Variants in DPP6 observed in about 807,000 individuals in gnomAD.
DPP6 encodes A-type potassium channel modulatory protein DPP6.
Under a neutral mutation model 122.6 loss-of-function variants are expected in DPP6, and 69 were observed. The observed-to-expected ratio is 0.56, with a 90% confidence interval of 0.46 to 0.69. The LOEUF (loss-of-function observed/expected upper bound fraction) is 0.69, where lower values mean the gene tolerates loss of function less well. DPP6 is among the 30% of genes least tolerant of loss of function. The probability of loss-of-function intolerance (pLI) is 0.00; values close to 1 mark genes in which losing one functional copy is unlikely to be tolerated. For missense variants in DPP6, 928 were observed against 1,116.9 expected (o/e 0.83, Z 2.41); for synonymous variants, 418 against 433.1 (o/e 0.97, Z 0.43).
intron 1 of DPP6, among the ~76,000 whole-genome samples, chr7:153,898,523 G>A (rs959159945): frequency 1.3e-5 from 2 of 152,150 alleles, no homozygotes; most frequent in Non-Finnish European, 2.9e-5. Context: ...ACTGTTTGAG[G>A]TGATGAATAT....
chr7:153,868,167 A>G, the DPP6 span, among the ~76,000 whole-genome samples: 1 of 152,080 alleles, frequency 6.6e-6, no homozygotes, highest in East Asian at 1.9e-4. Context: ...TGGCCTCATA[A>G]AATGAGTTAG....
At chr7:154,207,918 G>A (rs984279223) in intron 1 of DPP6, among the ~76,000 whole-genome samples, 9 of 150,648 alleles carry the variant, frequency 6.0e-5, no homozygotes, top group Non-Finnish European at 1.3e-4. Context: ...TCATGCCACT[G>A]CACTCCAGCC....
At chr7:153,974,906 T>C (rs1306961559) in intron 1 of DPP6, among the ~76,000 whole-genome samples, 1 of 152,236 alleles carries the variant, frequency 6.6e-6, no homozygotes, top group Admixed American at 6.5e-5. Context: ...GTTGTCACTC[T>C]GGAGTGTTTT....
intron 1 of DPP6, among the ~76,000 whole-genome samples, chr7:153,902,751 G>A (rs749641084): frequency 2.0e-5 from 3 of 151,958 alleles, no homozygotes; most frequent in East Asian, 1.9e-4. Flanking sequence ...CAGGAGTATC[G>A]CTTGAACCTG....
intron 1 of DPP6, among the ~76,000 whole-genome samples, chr7:154,347,312 C>A (rs1810481839): frequency 6.6e-6 from 1 of 152,192 alleles, no homozygotes; most frequent in Admixed American, 6.5e-5. Context: ...TATTCCCTAG[C>A]CTTGGATGAA....
the DPP6 span, among the ~76,000 whole-genome samples, chr7:153,814,874 T>C: frequency 4.6e-5 from 7 of 151,796 alleles, no homozygotes; most frequent in Non-Finnish European, 1.0e-4. Flanking sequence ...ATTATCTCAA[T>C]AGATGCAGAA....
At chr7:154,812,413 G>A (rs999508387) in intron 16 of DPP6, among the ~76,000 whole-genome samples, 14 of 152,170 alleles carry the variant, frequency 9.2e-5, no homozygotes, top group Non-Finnish European at 1.8e-4. Flanking sequence ...TATAGACTGT[G>A]TGGCTTATAA....
At chr7:154,646,358 G>T (rs373126156) in intron 6 of DPP6, among the ~76,000 whole-genome samples, 5 of 151,960 alleles carry the variant, frequency 3.3e-5, no homozygotes, top group Admixed American at 2.0e-4. Context: ...TCCCAAACCC[G>T]GAATGTGTTT....
At chr7:154,121,248 T>TG (rs374694582) in intron 1 of DPP6, among the ~76,000 whole-genome samples, 4 of 152,338 alleles carry the variant, frequency 2.6e-5, no homozygotes, top group Non-Finnish European at 4.4e-5. Flanking sequence ...CTCCACTGTT[T>TG]TTCTATTCTC....
At position 153,901,594 on chromosome 7, in the gene DPP6, G is replaced by A. The variant is rs893604367; in HGVS notation, c.51+13860G>A. 3.9e-5 allele frequency among the ~76,000 whole-genome samples: 6 copies of A among 152,184 alleles called. No homozygotes were observed. The East Asian group carries it at 7.7e-4, about 20-fold the overall frequency. ...AATGAAGAAACTTTCTCTTGCTGACGGTGATGTCAGCTTCTACCAGGACTA... is the reference window on the plus strand; with the variant it reads ...AATGAAGAAACTTTCTCTTGCTGACAGTGATGTCAGCTTCTACCAGGACTA... On this transcript the variant is annotated intron_variant, in intron 1 of 25. Transcript: ENST00000404039.
intron 6 of DPP6, among the ~76,000 whole-genome samples, chr7:154,667,576 C>T (rs902416619): frequency 9.2e-5 from 14 of 152,058 alleles, no homozygotes; most frequent in East Asian, 3.9e-4. Flanking sequence ...TACAAAAATT[C>T]GCCAGGCGTC....
At chr7:154,720,444 AGAC>A (rs2131340242) in intron 7 of DPP6, among the ~76,000 whole-genome samples, 1 of 152,344 alleles carries the variant, frequency 6.6e-6, no homozygotes, top group Admixed American at 6.5e-5. Context: ...TATGTTTGGG[AGAC>A]CTGAGCATTT....
In DPP6 at chr7:154,874,342, G is replaced by A. The variant is rs571272910; in HGVS notation, c.1884-1564G>A. Among the ~76,000 whole-genome samples, 34 of 152,282 alleles carry A rather than the reference G, an allele frequency of 2.2e-4. No individual in the cohort carries two copies. In the South Asian group the frequency reaches 5.2e-3, roughly 23 times the overall value. On this transcript the variant is annotated intron_variant, in intron 19 of 25. Coordinates refer to ENST00000377770, the MANE Select transcript of DPP6 (RefSeq NM_130797.4). ...TTCAGAGGTAAAAGTGGTCGTGCCC[G>A]GTGGAGACAGCTGAGCTCTGCTGAG... is the stretch of plus-strand genomic sequence containing the variant.
At chr7:154,220,323 G>C (rs966386439) in intron 1 of DPP6, among the ~76,000 whole-genome samples, 1 of 152,088 alleles carries the variant, frequency 6.6e-6, no homozygotes, top group Admixed American at 6.5e-5. Flanking sequence ...AATGAACATA[G>C]GAACATAAAA....
At chr7:154,064,684 A>C (rs949021257) in intron 1 of DPP6, among the ~76,000 whole-genome samples, 1 of 152,162 alleles carries the variant, frequency 6.6e-6, no homozygotes, top group Non-Finnish European at 1.5e-5. Flanking sequence ...TCTCAAGCAG[A>C]TAGCAAAGGT....
chr7:153,989,322 T>TGTGTGA (rs111557306), intron 1 of DPP6, among the ~76,000 whole-genome samples: 1 of 142,874 alleles, frequency 7.0e-6, no homozygotes, highest in African/African-American at 2.6e-5. Flanking sequence ...GAGTAAGATT[T>TGTGTGA]GTGTGAGTGT....
intron 7 of DPP6, among the ~76,000 whole-genome samples, chr7:154,679,628 T>G (rs1839160318): frequency 6.6e-6 from 1 of 152,194 alleles, no homozygotes; most frequent in Admixed American, 6.5e-5. Flanking sequence ...GGAAGATTGA[T>G]CTTTCCAGCA....
intron 1 of DPP6, among the ~76,000 whole-genome samples, chr7:154,103,648 G>A (rs1209960703): frequency 2.6e-5 from 4 of 152,274 alleles, no homozygotes; most frequent in Non-Finnish European, 5.9e-5. Flanking sequence ...GACTGGGAGA[G>A]GAAGACCCAT....
intron 1 of DPP6, among the ~76,000 whole-genome samples, chr7:153,916,654 G>T (rs888339616): frequency 6.7e-6 from 1 of 149,456 alleles, no homozygotes; most frequent in Non-Finnish European, 1.5e-5. Context: ...TGATCTGCCC[G>T]CCTCGGCCTC....
Sources: gnomAD v4.1 joint callset for allele counts (sites outside exome capture counted in the v4.1 genomes callset) on GRCh38, gnomAD v4.1.1 for gene constraint, MANE v1.5 for transcripts, NCBI Gene and HGNC (gene_info 2026-07-23, HGNC 2026-07-21) for gene names.